The following UNC5C variants were observed in gnomAD, a reference collection of about 807,000 sequenced individuals.
UNC5C encodes unc-5 netrin receptor C, also known as netrin receptor UNC5C.
A neutral mutation model predicts 99.8 loss-of-function variants in UNC5C; 47 were observed. The ratio of observed to expected loss-of-function variants is 0.47; its 90% CI spans 0.37 to 0.60. UNC5C has a LOEUF of 0.60. Ranked by LOEUF, UNC5C falls within the 20% of genes least tolerant of loss-of-function variation. The probability of loss-of-function intolerance (pLI) is 0.00; values close to 1 mark genes in which losing one functional copy is unlikely to be tolerated. For synonymous variants in UNC5C, 487 were observed against 452.2 expected (o/e 1.08, Z -0.98); for missense variants, 1,062 against 1,165.9 (o/e 0.91, Z 1.30).
chr4:95,284,641 T>G (rs1741170980), intron 3 of UNC5C, among the ~76,000 whole-genome samples: 1 of 152,186 alleles, frequency 6.6e-6, no homozygotes. Context: ...GCAAATTCTT[T>G]GTATAAATCC....
chr4:95,447,572 C>A (rs755886309), intron 1 of UNC5C, among the ~76,000 whole-genome samples: 5 of 151,936 alleles, frequency 3.3e-5, no homozygotes, highest in Non-Finnish European at 5.9e-5. Context: ...GCAATCTCGG[C>A]TTACTGCAAC....
intron 1 of UNC5C, among the ~76,000 whole-genome samples, chr4:95,372,242 G>A (rs1205879731): frequency 6.6e-6 from 1 of 152,106 alleles, no homozygotes; most frequent in African/African-American, 2.4e-5. Context: ...TGAATATCAA[G>A]GTGCAGTAGG....
chr4:95,335,557 C>G lies in UNC5C; in HGVS notation c.199G>C (p.Glu67Gln). The G allele has an allele frequency of 1.2e-6, 2 of 1,612,056 alleles. No individual in the cohort carries two copies. The highest frequency in any genetic ancestry group is 2.2e-5 in the South Asian group (2 of 90,976). ...PPEPLPHFLI[E>Q]PEEAYIVKNK... Reference sequence around the variant, plus strand: ...TTCACAATATAAGCTTCTTCAGGCTCAATAAGGAAATGTGGCAGAGGCTCA... The same window carrying G: ...TTCACAATATAAGCTTCTTCAGGCTGAATAAGGAAATGTGGCAGAGGCTCA... The change falls in exon 2 of 16, where the codon GAG becomes CAG. Residue 67 changes from glutamate to glutamine, a missense_variant. By Grantham distance (29) the Glu-to-Gln change is conservative. Transcript: ENST00000453304.
intron 1 of UNC5C, among the ~76,000 whole-genome samples, chr4:95,450,170 A>G (rs1747239903): frequency 6.6e-6 from 1 of 152,194 alleles, no homozygotes; most frequent in African/African-American, 2.4e-5. Context: ...GCATCTAGGC[A>G]TTATAGGTAA....
rs942172196 is a variant in UNC5C, at chr4:95,164,284, G to A, written c.*4950C>T. On this transcript the variant is annotated 3_prime_UTR_variant, in exon 16 of 16. Coordinates refer to ENST00000453304, the MANE Select transcript of UNC5C (RefSeq NM_003728.4). ...TGGCTTTCCTGGCCTGTATGGATAT[G>A]GGTTTACATAACATTGGTTACAATA... The A allele has an allele frequency of 6.6e-6, 1 of 152,130 alleles. No homozygotes were observed. The highest frequency in any genetic ancestry group is 1.5e-5 in the Non-Finnish European group (1 of 68,022). The allele number at this position is 152,130 out of a possible 1,614,324, so 9.4% of individuals were successfully genotyped here. A position where few individuals can be genotyped will look rare whatever the true frequency, so the allele number is the denominator to read the frequency against.
At position 95,542,031 on chromosome 4, in the gene UNC5C, T is replaced by C. The variant is rs547882947; in HGVS notation, c.124+6703A>G. Among the ~76,000 whole-genome samples the C allele has an allele frequency of 2.6e-5, 4 of 152,246 alleles. No individual in the cohort carries two copies. The East Asian group carries it at 5.8e-4, about 22-fold the overall frequency. ...TGAGGCATTTTTATAGCTCTCATAATTGCTGAGAAATGAAACTAGCCACAG... is the reference window on the plus strand; with the variant it reads ...TGAGGCATTTTTATAGCTCTCATAACTGCTGAGAAATGAAACTAGCCACAG... On this transcript the variant is annotated intron_variant, in intron 1 of 15. Transcript: ENST00000453304.
At chr4:95,199,066 G>T (rs771996023) in intron 12 of UNC5C, among the ~76,000 whole-genome samples, 5 of 152,088 alleles carry the variant, frequency 3.3e-5, no homozygotes, top group Admixed American at 2.0e-4. Context: ...TGTGCGCTGA[G>T]AATTCCTGAT....
chr4:95,497,989 A>C (rs1278725311), intron 1 of UNC5C, among the ~76,000 whole-genome samples: 2 of 152,016 alleles, frequency 1.3e-5, no homozygotes, highest in Non-Finnish European at 2.9e-5. Flanking sequence ...CAAGCTGCAC[A>C]GCTTCCAAAT....
At chr4:95,313,937 G>A (rs1435753048) in intron 2 of UNC5C, among the ~76,000 whole-genome samples, 1 of 152,118 alleles carries the variant, frequency 6.6e-6, no homozygotes, top group East Asian at 1.9e-4. Flanking sequence ...TCAAACCTTG[G>A]TCTCCCATCT....
At chr4:95,473,230 T>G (rs545144290) in intron 1 of UNC5C, among the ~76,000 whole-genome samples, 1 of 152,258 alleles carries the variant, frequency 6.6e-6, no homozygotes, top group African/African-American at 2.4e-5. Context: ...ATACTGAAAA[T>G]ATCTGCAACC....
chr4:95,288,689 T>C (rs145075033), intron 3 of UNC5C, among the ~76,000 whole-genome samples: 18 of 152,368 alleles, frequency 1.2e-4, no homozygotes, highest in African/African-American at 4.3e-4. Flanking sequence ...CTCTCCCAGA[T>C]TCCAGTGGCT....
At chr4:95,292,234 C>CATATATATATAT (rs1201836603) in intron 3 of UNC5C, among the ~76,000 whole-genome samples, 3 of 74,052 alleles carry the variant, frequency 4.1e-5, no homozygotes, top group Non-Finnish European at 5.2e-5. Flanking sequence ...CACACACACA[C>CATATATATATAT]ACATATATAT....
chr4:95,349,386 CCACACA>C lies in UNC5C; in HGVS notation c.125-13761_125-13756del, dbSNP rs150864607. Among the ~76,000 whole-genome samples, 4 of 124,438 alleles carry C rather than the reference CCACACA, an allele frequency of 3.2e-5. No individual in the cohort carries two copies. In the South Asian group the frequency reaches 8.7e-4, roughly 27 times the overall value. 81.6% of individuals were successfully genotyped at this position (124,438 alleles called of 152,430 possible). Reference sequence around the variant, plus strand: ...CTGTATCTCCCTCATACACACACACCCACACACACACACACACATTACAAGAAATAT... The same window carrying C: ...CTGTATCTCCCTCATACACACACACCCACACACACACATTACAAGAAATAT... On this transcript the variant is annotated intron_variant, in intron 1 of 15. Coordinates refer to ENST00000453304, the MANE Select transcript of UNC5C (RefSeq NM_003728.4).
At chr4:95,266,099 C>T (rs1740438056) in intron 4 of UNC5C, among the ~76,000 whole-genome samples, 1 of 152,134 alleles carries the variant, frequency 6.6e-6, no homozygotes. Context: ...TTAATAATAT[C>T]TTCCAAAAAA....
intron 1 of UNC5C, among the ~76,000 whole-genome samples, chr4:95,421,358 C>T (rs971662256): frequency 6.6e-6 from 1 of 152,174 alleles, no homozygotes; most frequent in Non-Finnish European, 1.5e-5. Flanking sequence ...CTCTGGCCTA[C>T]ATTGCCACCC....
At chr4:95,349,735 T>C (rs1165536083) in intron 1 of UNC5C, among the ~76,000 whole-genome samples, 1 of 152,142 alleles carries the variant, frequency 6.6e-6, no homozygotes, top group East Asian at 2.0e-4. Flanking sequence ...AAACCTGTGT[T>C]TATAGACCAT....
At chr4:95,426,086 G>T (rs1746475635) in intron 1 of UNC5C, among the ~76,000 whole-genome samples, 1 of 151,988 alleles carries the variant, frequency 6.6e-6, no homozygotes. Context: ...CAAATTGAAG[G>T]TTTCTGGCAA....
chr4:95,173,126 TAAG>T (rs1736191563), intron 14 of UNC5C, among the ~76,000 whole-genome samples: 1 of 151,860 alleles, frequency 6.6e-6, no homozygotes, highest in Non-Finnish European at 1.5e-5. Context: ...CTTATCAGCT[TAAG>T]GAGATTTTGG....
At position 95,389,499 on chromosome 4, in the gene UNC5C, G is replaced by C. The variant is rs573710276; in HGVS notation, c.125-53868C>G. Among the ~76,000 whole-genome samples, 6 of 152,112 alleles carry C rather than the reference G, an allele frequency of 3.9e-5. No homozygotes were observed. In the East Asian group the frequency reaches 1.2e-3, roughly 29 times the overall value. Reference sequence around the variant, plus strand: ...CGATAATTCTATCTGGTAGCCACTAGCTATATGTGGCTATCTAGCATTTGA... The same window carrying C: ...CGATAATTCTATCTGGTAGCCACTACCTATATGTGGCTATCTAGCATTTGA... On this transcript the variant is annotated intron_variant, in intron 1 of 15. Transcript: ENST00000453304.
Sources: gnomAD v4.1 joint callset for allele counts (sites outside exome capture counted in the v4.1 genomes callset) on GRCh38, gnomAD v4.1.1 for gene constraint, MANE v1.5 for transcripts, NCBI Gene and HGNC (gene_info 2026-07-23, HGNC 2026-07-21) for gene names.